SFXN2: variants seen among roughly 807,000 people sequenced by gnomAD.
SFXN2 encodes the protein sideroflexin-2.
Under a neutral mutation model 41.9 loss-of-function variants are expected in SFXN2, and 37 were observed. The ratio of observed to expected loss-of-function variants is 0.88; its 90% CI spans 0.68 to 1.16. The LOEUF is 1.16. Ranked by LOEUF, SFXN2 falls within the 50% of genes most tolerant of loss-of-function variation. SFXN2 has a pLI of 0.00. For missense variants in SFXN2, 386 were observed against 425.2 expected, an observed-to-expected ratio of 0.91 and a Z score of 0.81; for synonymous variants, 150 against 156.7, an observed-to-expected ratio of 0.96 and a Z score of 0.32.
chr10:102,728,756 G>A (rs1192173424), intron 4 of SFXN2, among the ~76,000 whole-genome samples: 4 of 152,138 alleles, frequency 2.6e-5, no homozygotes, highest in Non-Finnish European at 5.9e-5. Flanking sequence ...TTCTTCTTGA[G>A]TGTGTCTTAT....
chr10:102,730,825 C>T lies in SFXN2; in HGVS notation c.594-898C>T, dbSNP rs534796171. On this transcript the variant is annotated intron_variant, in intron 6 of 11. Coordinates refer to ENST00000369893, the MANE Select transcript of SFXN2 (RefSeq NM_178858.6). ...AATTAGGGCCAGGCGTGGTAGCTCACGCCTGTAATCCCAGCACTTTGGGAG... is the reference window on the plus strand; with the variant it reads ...AATTAGGGCCAGGCGTGGTAGCTCATGCCTGTAATCCCAGCACTTTGGGAG... Among the ~76,000 whole-genome samples, 33 of 152,336 alleles carry T rather than the reference C, an allele frequency of 2.2e-4. 1 individual carries two copies. The South Asian group carries it at 6.4e-3, about 30-fold the overall frequency.
chr10:102,735,241 C>T (rs1457843471), intron 10 of SFXN2, among the ~76,000 whole-genome samples: 2 of 148,476 alleles, frequency 1.3e-5, no homozygotes, highest in African/African-American at 5.0e-5. Flanking sequence ...CCATGTTGCT[C>T]CTCCCTGTCC....
intron 7 of SFXN2, 50 bp downstream of exon 7, chr10:102,731,833 C>T (rs2064709042): frequency 1.3e-6 from 2 of 1,521,004 alleles, no homozygotes; most frequent in Non-Finnish European, 1.8e-6. Flanking sequence ...CCCTCTCATA[C>T]CCTGTCCCCT....
At position 102,737,648 on chromosome 10, in the gene SFXN2, C is replaced by T; in HGVS notation, c.870-15C>T. ...TTCCTGGTGGCATGCTCATAATCCA[C>T]TTCTCTCTTTTCAGTGAATTGCCAG... On this transcript the variant is annotated splice_polypyrimidine_tract_variant and intron_variant, in intron 11 of 11. Coordinates refer to ENST00000369893, the MANE Select transcript of SFXN2 (RefSeq NM_178858.6). The T allele has an allele frequency of 1.3e-6, 2 of 1,585,006 alleles. No homozygotes were observed. Among genetic ancestry groups the T allele is most frequent in the Non-Finnish European group, 1.7e-6 (2 of 1,154,084 alleles).
rs201567847 is a variant in SFXN2, at chr10:102,733,600, G to C, written c.818G>C (p.Cys273Ser). 1 of 1,613,918 alleles carries C rather than the reference G, an allele frequency of 6.2e-7. No individual in the cohort carries two copies. The highest frequency in any genetic ancestry group is 8.5e-7 in the Non-Finnish European group (1 of 1,179,778). Residue 273 changes from cysteine (C) to serine (S), a missense_variant, in exon 10 of 12, where the codon TGC (cysteine) becomes TCC (serine). Transcript: ENST00000369893. ...CCATTGCAGGTCATGCTGAGCGGGT[G>C]CTTGTAAGTATCATATTTTGATGAT... The part of the protein sequence containing the change: ...HAPLQVMLSG[C>S]FLIFMVPVAC...
chr10:102,728,952 C>G (rs1441812554), intron 4 of SFXN2, among the ~76,000 whole-genome samples: 2 of 152,030 alleles, frequency 1.3e-5, no homozygotes, highest in East Asian at 3.9e-4. Flanking sequence ...AGGCAGAGAA[C>G]AGCAGAGCGG....
At chr10:102,737,603 T>G in intron 11 of SFXN2, 60 bp from the exon 12 acceptor site, 5 of 1,097,310 alleles carry the variant, frequency 4.6e-6, no homozygotes, top group Non-Finnish European at 7.0e-6. Flanking sequence ...GATATTCATC[T>G]GAGGGTAACT....
chr10:102,735,999 G>C (rs375717083), intron 11 of SFXN2, 90 bp downstream of exon 11: 21 of 1,247,866 alleles, frequency 1.7e-5, no homozygotes, highest in East Asian at 1.2e-4. Flanking sequence ...AGACAGGGAA[G>C]GGGCAGGAAG....
rs2064823683 is a variant in SFXN2 at position 102,739,502 on chromosome 10, A to G, written c.*1740A>G. The G allele has an allele frequency of 6.6e-6, 1 of 152,252 alleles. No homozygotes were observed. Among genetic ancestry groups the G allele is most frequent in the South Asian group, 2.1e-4 (1 of 4,832 alleles). 9.4% of individuals were successfully genotyped at this position (152,252 alleles called of 1,614,324 possible). ...TGTTTTTACATTTTTAAAGAGTTGTAAAAGGGAACAACAGGAATGACAGAG... is the reference window on the plus strand; with the variant it reads ...TGTTTTTACATTTTTAAAGAGTTGTGAAAGGGAACAACAGGAATGACAGAG... On this transcript the variant is annotated 3_prime_UTR_variant, in exon 12 of 12. Coordinates refer to ENST00000369893, the MANE Select transcript of SFXN2 (RefSeq NM_178858.6).
chr10:102,729,488 G>A, intron 5 of SFXN2, 94 bp downstream of exon 5: 1 of 1,446,492 alleles, frequency 6.9e-7, no homozygotes, highest in Non-Finnish European at 9.5e-7. Flanking sequence ...CCCCAGGCTG[G>A]GTGAGTTGGG....
chr10:102,716,619 A>G (rs1156356110), intron 1 of SFXN2: 1 of 121,928 alleles, frequency 8.2e-6, no homozygotes, highest in Non-Finnish European at 1.6e-5. Context: ...CCCAGGCTGG[A>G]GTGCAACGGT....
chr10:102,717,680 G>T (rs748139680), intron 1 of SFXN2: 3 of 833,932 alleles, frequency 3.6e-6, no homozygotes, highest in Non-Finnish European at 4.3e-6. Flanking sequence ...GAAAGAAAGC[G>T]TGCTCTTAAT....
chr10:102,720,540 G>C (rs73344454), intron 1 of SFXN2, among the ~76,000 whole-genome samples: 4,561 of 151,788 alleles, frequency 0.03, 252 homozygotes, highest in African/African-American at 0.1. Flanking sequence ...CCTGGGAGGT[G>C]GAGGCTGGAG....
Position 102,737,678 on chromosome 10 carries a change from C to A in SFXN2, c.885C>A (p.Ser295=). ...LFPQKCELPV[S]YLEPKLQDTI... is the part of the protein sequence containing the mutation. Reference sequence around the variant, plus strand: ...CTCTTTTCAGTGAATTGCCAGTTTCCTATCTGGAACCGAAGCTCCAAGACA... The same window carrying A: ...CTCTTTTCAGTGAATTGCCAGTTTCATATCTGGAACCGAAGCTCCAAGACA... Residue 295 remains serine, a synonymous_variant, in exon 12 of 12, where the codon TCC becomes TCA. Coordinates refer to ENST00000369893, the MANE Select transcript of SFXN2 (RefSeq NM_178858.6). 1 of 1,612,076 alleles carries A rather than the reference C, an allele frequency of 6.2e-7. No individual in the cohort carries two copies. The highest frequency in any genetic ancestry group is 1.1e-5 in the South Asian group (1 of 90,978).
intron 6 of SFXN2, among the ~76,000 whole-genome samples, chr10:102,731,013 G>T (rs1278628434): frequency 6.6e-6 from 1 of 152,036 alleles, no homozygotes; most frequent in African/African-American, 2.4e-5. Context: ...TTGTGAACCC[G>T]GGAGGCGGAG....
chr10:102,719,581 T>A (rs1424088324), intron 1 of SFXN2, among the ~76,000 whole-genome samples: 1 of 152,154 alleles, frequency 6.6e-6, no homozygotes, highest in Non-Finnish European at 1.5e-5. Flanking sequence ...CTCTCTCCTC[T>A]TCCCATTCTG....
rs10786706 is a variant in SFXN2, at chr10:102,740,902, C to T, written c.*3140C>T. On this transcript the variant is annotated 3_prime_UTR_variant, in exon 12 of 12. Coordinates refer to ENST00000369893, the MANE Select transcript of SFXN2 (RefSeq NM_178858.6). Reference sequence around the variant, plus strand: ...ACTCCTGACTGATGTTCTTTCAGAACATACAATGTTTCCCCTTCCTTCTCA... The same window carrying T: ...ACTCCTGACTGATGTTCTTTCAGAATATACAATGTTTCCCCTTCCTTCTCA... 0.47 allele frequency: 70,868 copies of T among 152,034 alleles called. 16,653 individuals are homozygous for T. The highest frequency in any genetic ancestry group is 0.62 in the East Asian group (3,221 of 5,184). The allele number at this position is 152,034 out of a possible 1,614,324, so 9.4% of individuals were successfully genotyped here.
At position 102,717,112 on chromosome 10, in the gene SFXN2, C is replaced by T. The variant is rs371757644; in HGVS notation, c.-26+2431C>T. Among the ~76,000 whole-genome samples, 16 of 146,608 alleles carry T rather than the reference C, an allele frequency of 1.1e-4. No homozygotes were observed. In the East Asian group the frequency reaches 1.9e-3, roughly 17 times the overall value. On this transcript the variant is annotated intron_variant, in intron 1 of 11. Transcript: ENST00000369893. ...TAGATCACATGTCTTCAGGCTATGACATTCTCTCTCTCTTTTTTTTTTTTT... is the reference window on the plus strand; with the variant it reads ...TAGATCACATGTCTTCAGGCTATGATATTCTCTCTCTCTTTTTTTTTTTTT...
chr10:102,731,816 G>A lies in SFXN2; in HGVS notation c.654+33G>A, dbSNP rs770060459. 1.9e-6 allele frequency: 3 copies of A among 1,597,156 alleles called. No homozygotes were observed. In the Admixed American group the frequency reaches 5.0e-5, roughly 27 times the overall value. ...GAGGCCTCCCTTTGGGGTGGGAGGAGGGAATTCCCTCTCATACCCTGTCCC... is the reference window on the plus strand; with the variant it reads ...GAGGCCTCCCTTTGGGGTGGGAGGAAGGAATTCCCTCTCATACCCTGTCCC... On this transcript the variant is annotated intron_variant, in intron 7 of 11. Transcript: ENST00000369893.
Sources: allele counts gnomAD v4.1 joint callset (sites outside exome capture counted in the v4.1 genomes callset), GRCh38; gene constraint gnomAD v4.1.1; transcripts MANE v1.5; gene names NCBI Gene and HGNC (gene_info 2026-07-23, HGNC 2026-07-21).